Variants in ATRNL1 observed in about 807,000 individuals in gnomAD.
ATRNL1 encodes the protein attractin like 1, also known as attractin-like protein 1.
A neutral mutation model predicts 182.7 loss-of-function variants in ATRNL1; 95 were observed. That is an observed-to-expected ratio of 0.52 (90% CI 0.44 to 0.62). The LOEUF is 0.62. Ranked by LOEUF, ATRNL1 falls within the 20% of genes least tolerant of loss-of-function variation. ATRNL1 has a pLI of 0.00. For synonymous variants in ATRNL1, 576 were observed against 568.3 expected (o/e 1.01, Z -0.19); for missense variants, 1,471 against 1,679.5 (o/e 0.88, Z 2.17).
At chr10:115,567,406 C>G (rs2133853954) in intron 26 of ATRNL1, among the ~76,000 whole-genome samples, 1 of 152,026 alleles carries the variant, frequency 6.6e-6, no homozygotes, top group South Asian at 2.1e-4. Flanking sequence ...TCATTTTGTC[C>G]TGAAGATTAA....
chr10:115,891,423 C>T lies in ATRNL1; in HGVS notation c.4018+43432C>T, dbSNP rs545596112. Among the ~76,000 whole-genome samples, 14 of 152,258 alleles carry T rather than the reference C, an allele frequency of 9.2e-5. No individual in the cohort carries two copies. The East Asian group carries it at 1.2e-3, about 13-fold the overall frequency. On this transcript the variant is annotated intron_variant, in intron 28 of 28. Transcript: ENST00000355044. ...CTTTCTTTTTGGAAATACAGAGTTT[C>T]GCAAATAAATAAGGGGATACTTAAT...
rs1413394356 is a variant in ATRNL1 at position 115,129,657 on chromosome 10, T to C, written c.829+122T>C. ...CCCAAGCCTTATATATTTACTTTTA[T>C]TTTTAGAATGTTCAGATTAATAATC... On this transcript the variant is annotated intron_variant, in intron 5 of 28. Transcript: ENST00000355044. 4.4e-6 allele frequency: 3 copies of C among 685,652 alleles called. No homozygotes were observed. The East Asian group carries it at 8.4e-5, about 19-fold the overall frequency. The allele number at this position is 685,652 out of a possible 1,614,324, so 42.5% of individuals were successfully genotyped here.
At chr10:115,222,181 T>C (rs1849494017) in intron 9 of ATRNL1, among the ~76,000 whole-genome samples, 1 of 151,954 alleles carries the variant, frequency 6.6e-6, no homozygotes, top group Non-Finnish European at 1.5e-5. Flanking sequence ...TAAGAATTCC[T>C]TGGATGGAAA....
At chr10:115,137,463 A>C (rs1554876977) in intron 5 of ATRNL1, among the ~76,000 whole-genome samples, 1 of 152,188 alleles carries the variant, frequency 6.6e-6, no homozygotes, top group African/African-American at 2.4e-5. Context: ...AGACATACCC[A>C]AGACTGGGCA....
intron 21 of ATRNL1, among the ~76,000 whole-genome samples, chr10:115,449,730 G>A (rs1847193474): frequency 6.6e-6 from 1 of 152,204 alleles, no homozygotes; most frequent in African/African-American, 2.4e-5. Flanking sequence ...TTTAAGAGCT[G>A]TGGGCTGAGT....
chr10:115,493,924 T>G (rs1437693773), intron 24 of ATRNL1, among the ~76,000 whole-genome samples: 4 of 152,328 alleles, frequency 2.6e-5, no homozygotes, highest in Admixed American at 2.6e-4. Flanking sequence ...TTTTGAAATG[T>G]GTCAGTTTGT....
intron 27 of ATRNL1, among the ~76,000 whole-genome samples, chr10:115,827,766 G>T (rs183835921): frequency 1.3e-5 from 2 of 152,258 alleles, no homozygotes; most frequent in Non-Finnish European, 2.9e-5. Context: ...AAAAGCAGTT[G>T]TCGAATACTG....
At chr10:115,662,955 G>A (rs903960196) in intron 26 of ATRNL1, among the ~76,000 whole-genome samples, 9 of 151,904 alleles carry the variant, frequency 5.9e-5, no homozygotes, top group East Asian at 1.9e-4. Context: ...CTTTGTATTC[G>A]CATTTAAAGT....
intron 28 of ATRNL1, among the ~76,000 whole-genome samples, chr10:115,924,518 T>C (rs1257569043): frequency 6.6e-6 from 1 of 152,190 alleles, no homozygotes; most frequent in Non-Finnish European, 1.5e-5. Context: ...CCTTTCCCCA[T>C]TGCCTGTTTT....
intron 26 of ATRNL1, among the ~76,000 whole-genome samples, chr10:115,660,378 A>C (rs1860607026): frequency 1.3e-5 from 2 of 152,148 alleles, no homozygotes. Flanking sequence ...AAAAACCATG[A>C]AGGCAGCAAT....
chr10:115,588,934 G>A (rs564759305), intron 26 of ATRNL1, among the ~76,000 whole-genome samples: 1 of 152,246 alleles, frequency 6.6e-6, no homozygotes, highest in South Asian at 2.1e-4. Flanking sequence ...TGCAGTTTTT[G>A]CATTTTCCAT....
intron 2 of ATRNL1, 83 bp from the exon 3 acceptor site, chr10:115,121,612 TTGTA>T: frequency 4.5e-6 from 2 of 449,066 alleles, no homozygotes; most frequent in Non-Finnish European, 7.5e-6. Flanking sequence ...ACTCTGTGCT[TTGTA>T]TATTATATAA....
At chr10:115,202,298 CTG>C (rs1848614154) in intron 8 of ATRNL1, among the ~76,000 whole-genome samples, 1 of 150,330 alleles carries the variant, frequency 6.7e-6, no homozygotes, top group Non-Finnish European at 1.5e-5. Context: ...GAGGGCATCC[CTG>C]TCTTGTGCCA....
chr10:115,249,363 A>G (rs28546654), intron 10 of ATRNL1, among the ~76,000 whole-genome samples: 1 of 152,156 alleles, frequency 6.6e-6, no homozygotes, highest in Non-Finnish European at 1.5e-5. Flanking sequence ...GTTTATATAT[A>G]TGTATATGTA....
At chr10:115,177,504 A>T (rs956248741) in intron 8 of ATRNL1, among the ~76,000 whole-genome samples, 1 of 152,176 alleles carries the variant, frequency 6.6e-6, no homozygotes, top group East Asian at 1.9e-4. Flanking sequence ...GGGAGTTGAT[A>T]CAAGGACGAG....
intron 19 of ATRNL1, among the ~76,000 whole-genome samples, chr10:115,378,755 T>G (rs145021653): frequency 6.6e-6 from 1 of 152,348 alleles, no homozygotes; most frequent in Non-Finnish European, 1.5e-5. Context: ...AATTATAGGG[T>G]ATTTGAACTT....
chr10:115,105,924 C>CGG (rs1843990246), intron 1 of ATRNL1, among the ~76,000 whole-genome samples: 1 of 152,140 alleles, frequency 6.6e-6, no homozygotes, highest in Non-Finnish European at 1.5e-5. Flanking sequence ...GGTTGGAGCC[C>CGG]CCACACAGAG....
chr10:115,575,673 A>C (rs1324766679), intron 26 of ATRNL1, among the ~76,000 whole-genome samples: 1 of 152,010 alleles, frequency 6.6e-6, no homozygotes, highest in Non-Finnish European at 1.5e-5. Context: ...CATGTGTTTA[A>C]GGTGTGCAAG....
At chr10:115,129,656 A>G (rs1554874617) in intron 5 of ATRNL1, 121 bp downstream of exon 5, 2 of 683,500 alleles carry the variant, frequency 2.9e-6, no homozygotes, top group Non-Finnish European at 4.7e-6. Context: ...ATTTACTTTT[A>G]TTTTTAGAAT....
Sources: gnomAD v4.1 joint callset for allele counts (sites outside exome capture counted in the v4.1 genomes callset) on GRCh38, gnomAD v4.1.1 for gene constraint, MANE v1.5 for transcripts, NCBI Gene and HGNC (gene_info 2026-07-23, HGNC 2026-07-21) for gene names.